Variants in CLSTN2 observed in about 807,000 individuals in gnomAD.
CLSTN2 encodes calsyntenin 2, also known as calsyntenin-2.
A neutral mutation model predicts 101.2 loss-of-function variants in CLSTN2; 48 were observed. That is an observed-to-expected ratio of 0.47 (90% CI 0.38 to 0.60). The LOEUF (loss-of-function observed/expected upper bound fraction) is 0.60. CLSTN2 is among the 20% of genes least tolerant of loss of function. The pLI is 0.00. For synonymous variants in CLSTN2, 481 were observed against 463.6 expected (o/e 1.04, Z -0.48); for missense variants, 1,160 against 1,238.2 (o/e 0.94, Z 0.95).
intron 8 of CLSTN2, among the ~76,000 whole-genome samples, chr3:140,518,989 A>G (rs1934974932): frequency 6.7e-6 from 1 of 150,216 alleles, no homozygotes; most frequent in Non-Finnish European, 1.5e-5. Context: ...CACTCTTAAC[A>G]CTGCTTTAGC....
At chr3:140,198,564 G>A (rs2010677951) in intron 2 of CLSTN2, among the ~76,000 whole-genome samples, 2 of 152,284 alleles carry the variant, frequency 1.3e-5, no homozygotes, top group Non-Finnish European at 2.9e-5. Flanking sequence ...GCTGGGGGAT[G>A]TTCTCAGCTC....
intron 2 of CLSTN2, among the ~76,000 whole-genome samples, chr3:140,398,331 C>A (rs2107975224): frequency 6.6e-6 from 1 of 152,224 alleles, no homozygotes; most frequent in Non-Finnish European, 1.5e-5. Flanking sequence ...TTTACTGTAT[C>A]ATTAAAGTCA....
chr3:139,944,419 A>G (rs905014181), intron 1 of CLSTN2, among the ~76,000 whole-genome samples: 1 of 152,214 alleles, frequency 6.6e-6, no homozygotes, highest in African/African-American at 2.4e-5. Flanking sequence ...GAAGCTCTCC[A>G]GTATTTCTGG....
At chr3:139,993,638 C>T (rs575481363) in intron 1 of CLSTN2, among the ~76,000 whole-genome samples, 38 of 152,262 alleles carry the variant, frequency 2.5e-4, no homozygotes, top group African/African-American at 8.4e-4. Context: ...ACTCACAAAC[C>T]GTGCCTGTAC....
intron 2 of CLSTN2, among the ~76,000 whole-genome samples, chr3:140,375,849 G>T (rs1215213973): frequency 6.6e-6 from 1 of 152,060 alleles, no homozygotes; most frequent in African/African-American, 2.4e-5. Context: ...AAAACAGAAA[G>T]TCTGGGGCAG....
intron 2 of CLSTN2, among the ~76,000 whole-genome samples, chr3:140,339,779 A>G (rs1200804837): frequency 1.3e-5 from 2 of 152,236 alleles, no homozygotes; most frequent in Non-Finnish European, 2.9e-5. Context: ...GTTAATGAAC[A>G]CTGTTATAGT....
intron 8 of CLSTN2, among the ~76,000 whole-genome samples, chr3:140,491,385 A>G (rs897663383): frequency 2.0e-5 from 3 of 152,236 alleles, no homozygotes; most frequent in African/African-American, 7.2e-5. Context: ...ATATTGATAT[A>G]CCAGCAATGA....
At chr3:140,562,392 T>C (rs1935935195) in intron 13 of CLSTN2, 84 bp downstream of exon 13, 17 of 1,327,898 alleles carry the variant, frequency 1.3e-5, no homozygotes, top group East Asian at 2.3e-5. Context: ...AGATTGCACC[T>C]GTGAAGGAGC....
chr3:140,523,209 C>T (rs1935068614), intron 8 of CLSTN2, among the ~76,000 whole-genome samples: 1 of 152,126 alleles, frequency 6.6e-6, no homozygotes, highest in African/African-American at 2.4e-5. Context: ...CTCCCTGCAT[C>T]CCTCGGGCAG....
intron 1 of CLSTN2, among the ~76,000 whole-genome samples, chr3:140,028,724 G>A (rs1301331759): frequency 1.3e-5 from 2 of 152,146 alleles, no homozygotes; most frequent in Non-Finnish European, 2.9e-5. Context: ...GTCCCTGAAT[G>A]TCTTCTGTTA....
chr3:140,263,418 T>G (rs371986209), intron 2 of CLSTN2, among the ~76,000 whole-genome samples: 1 of 152,196 alleles, frequency 6.6e-6, no homozygotes, highest in Admixed American at 6.5e-5. Context: ...GTGGAAGAGG[T>G]TGGCCACTGG....
At chr3:140,304,911 G>A (rs1040888818) in intron 2 of CLSTN2, among the ~76,000 whole-genome samples, 1 of 151,956 alleles carries the variant, frequency 6.6e-6, no homozygotes, top group African/African-American at 2.4e-5. Flanking sequence ...TTGTAAGTCC[G>A]AAGTAAAATA....
intron 2 of CLSTN2, among the ~76,000 whole-genome samples, chr3:140,291,634 C>T (rs1359047628): frequency 6.6e-6 from 1 of 151,812 alleles, no homozygotes; most frequent in African/African-American, 2.4e-5. Context: ...GGCAACTTCC[C>T]CCATCTCCAG....
At chr3:140,212,919 T>C (rs774017910) in intron 2 of CLSTN2, among the ~76,000 whole-genome samples, 37 of 152,206 alleles carry the variant, frequency 2.4e-4, no homozygotes, top group Non-Finnish European at 4.7e-4. Context: ...CTCTCTAGCA[T>C]AGGCTCCTTG....
In CLSTN2 at chr3:140,130,280, T is replaced by C. The variant is rs1450063807; in HGVS notation, c.110-45671T>C. Among the ~76,000 whole-genome samples, 4 of 152,312 alleles carry C rather than the reference T, an allele frequency of 2.6e-5. No individual in the cohort carries two copies. The East Asian group carries it at 7.7e-4, about 29-fold the overall frequency. On this transcript the variant is annotated intron_variant, in intron 1 of 16. Coordinates refer to ENST00000458420, the MANE Select transcript of CLSTN2 (RefSeq NM_022131.3). ...GGAATGGCAGTAGCAAACTCAGTGG[T>C]GGCAAAAATTACAGTGCTCAGGGAG...
At chr3:140,483,798 T>G (rs995768197) in intron 8 of CLSTN2, among the ~76,000 whole-genome samples, 2 of 152,190 alleles carry the variant, frequency 1.3e-5, no homozygotes, top group African/African-American at 4.8e-5. Context: ...TATTTATTTA[T>G]TGCTTTCCGT....
chr3:140,203,461 G>GTTTTTTTTT (rs58182333), intron 2 of CLSTN2, among the ~76,000 whole-genome samples: 6 of 67,920 alleles, frequency 8.8e-5, no homozygotes, highest in Non-Finnish European at 1.4e-4. Flanking sequence ...GAAAGTGTGG[G>GTTTTTTTTT]TTTTTTTTTT....
rs192460136 is a variant in CLSTN2, at chr3:140,320,259, G to T, written c.233-83370G>T. On this transcript the variant is annotated intron_variant, in intron 2 of 16. Transcript: ENST00000458420. Reference sequence around the variant, plus strand: ...CGTCACAGACTCTGGGCACTGGGGGGCCTTGTCAGAGTTCACTTCCATTTT... The same window carrying T: ...CGTCACAGACTCTGGGCACTGGGGGTCCTTGTCAGAGTTCACTTCCATTTT... Among the ~76,000 whole-genome samples, 4 of 152,298 alleles carry T rather than the reference G, an allele frequency of 2.6e-5. No homozygotes were observed. The East Asian group carries it at 7.7e-4, about 29-fold the overall frequency.
At chr3:140,030,842 C>T (rs1361029585) in intron 1 of CLSTN2, among the ~76,000 whole-genome samples, 2 of 152,228 alleles carry the variant, frequency 1.3e-5, no homozygotes, top group Non-Finnish European at 2.9e-5. Flanking sequence ...GCAGCTTCCG[C>T]CTTGAATTCC....
Sources: allele counts gnomAD v4.1 joint callset (sites outside exome capture counted in the v4.1 genomes callset), GRCh38; gene constraint gnomAD v4.1.1; transcripts MANE v1.5; gene names NCBI Gene and HGNC (gene_info 2026-07-23, HGNC 2026-07-21).